Variants in HACD2 observed in about 807,000 individuals in gnomAD.
The protein encoded by HACD2 is 3-hydroxyacyl-CoA dehydratase 2, also known as very-long-chain (3R)-3-hydroxyacyl-CoA dehydratase 2.
In HACD2, 15 loss-of-function variants were observed where a neutral mutation model predicts 31.0. The observed-to-expected ratio is 0.48, with a 90% CI of 0.32 to 0.75. HACD2 has a LOEUF of 0.75. Among genes scored for constraint, HACD2 ranks in the 30% least tolerant of loss-of-function variants. The pLI is 0.03. For synonymous variants in HACD2, 115 were observed against 122.2 expected (o/e 0.94, Z 0.39); for missense variants, 283 against 313.0 (o/e 0.90, Z 0.72).
intron 3 of HACD2, among the ~76,000 whole-genome samples, chr3:123,541,728 T>A (rs1163233827): frequency 6.6e-6 from 1 of 152,206 alleles, no homozygotes. Context: ...CAAATTGGTA[T>A]GTACGTTTAA....
intron 3 of HACD2, among the ~76,000 whole-genome samples, chr3:123,539,838 A>G (rs2056467004): frequency 7.3e-6 from 1 of 137,750 alleles, no homozygotes; most frequent in African/African-American, 2.7e-5. Context: ...TGTAATCCCA[A>G]CTCTTCAGGA....
intron 3 of HACD2, among the ~76,000 whole-genome samples, chr3:123,558,114 A>C (rs185185671): frequency 2.1e-4 from 32 of 152,372 alleles, no homozygotes; most frequent in Admixed American, 5.2e-4. Flanking sequence ...TGGGCTATCA[A>C]GCCATGAAAA....
chr3:123,547,393 T>C (rs989171365), intron 3 of HACD2, among the ~76,000 whole-genome samples: 1 of 152,228 alleles, frequency 6.6e-6, no homozygotes, highest in Non-Finnish European at 1.5e-5. Context: ...CTGTGGGAAT[T>C]ACTTTGCTTT....
intron 3 of HACD2, among the ~76,000 whole-genome samples, chr3:123,563,648 C>T (rs200706852): frequency 1.5e-3 from 85 of 54,908 alleles, no homozygotes; most frequent in African/African-American, 0.01. Context: ...TATATATACA[C>T]ACACACACAC....
At chr3:123,562,466 T>C (rs558545056) in intron 3 of HACD2, among the ~76,000 whole-genome samples, 2 of 152,330 alleles carry the variant, frequency 1.3e-5, no homozygotes, top group East Asian at 3.9e-4. Context: ...ATGAAAGAGT[T>C]ACATTTATAT....
chr3:123,577,477 C>T (rs1451882701), intron 2 of HACD2, among the ~76,000 whole-genome samples: 3 of 151,824 alleles, frequency 2.0e-5, no homozygotes, highest in Non-Finnish European at 2.9e-5. Context: ...AAAAATTAGC[C>T]GGGTGTGGTG....
chr3:123,584,932 C>A lies in HACD2; in HGVS notation c.96G>T (p.Lys32Asn). 2 of 1,530,320 alleles carry A rather than the reference C, an allele frequency of 1.3e-6. No individual in the cohort carries two copies. Among genetic ancestry groups the A allele is most frequent in the East Asian group, 5.3e-5 (2 of 37,524 alleles). 94.8% of individuals were successfully genotyped at this position (1,530,320 alleles called of 1,614,324 possible). Reference protein sequence around the residue: ...AGDASGTRKKKGPGPLATAYL... With the variant: ...AGDASGTRKKNGPGPLATAYL... ...ACGCCGTGGCCAGGGGCCCCGGGCC[C>A]TTCTTCTTCCGCGTGCCGCTGGCGT... is the stretch of plus-strand genomic sequence containing the variant. The change falls in exon 1 of 7, where the codon AAG becomes AAT. Residue 32 changes from lysine to asparagine, a missense_variant. Physicochemically the swap from Lys to Asn is moderately conservative, Grantham distance 94. Transcript: ENST00000383657.
chr3:123,564,156 T>C (rs930008954), intron 3 of HACD2, among the ~76,000 whole-genome samples: 4 of 152,116 alleles, frequency 2.6e-5, no homozygotes, highest in Non-Finnish European at 4.4e-5. Flanking sequence ...AATAGTGAGG[T>C]AGAACGAGTC....
intron 4 of HACD2, among the ~76,000 whole-genome samples, chr3:123,506,277 C>G (rs914092389): frequency 1.3e-5 from 2 of 152,194 alleles, no homozygotes; most frequent in Non-Finnish European, 2.9e-5. Flanking sequence ...GGCAATTACT[C>G]CCTGCTTGAT....
intron 4 of HACD2, among the ~76,000 whole-genome samples, chr3:123,513,010 G>C (rs1205410340): frequency 6.6e-6 from 1 of 152,108 alleles, no homozygotes; most frequent in Non-Finnish European, 1.5e-5. Flanking sequence ...CTGATTCCAG[G>C]GCTGGGGCTG....
At chr3:123,521,906 C>G (rs2056219494) in intron 4 of HACD2, among the ~76,000 whole-genome samples, 2 of 152,018 alleles carry the variant, frequency 1.3e-5, no homozygotes, top group South Asian at 4.2e-4. Flanking sequence ...AAATCATCAT[C>G]AGGGGATATT....
chr3:123,522,050 A>G (rs1365237405), intron 4 of HACD2, among the ~76,000 whole-genome samples: 3 of 152,308 alleles, frequency 2.0e-5, no homozygotes, highest in African/African-American at 7.2e-5. Context: ...TCATGCCTGT[A>G]ATTCCAGCAC....
intron 4 of HACD2, among the ~76,000 whole-genome samples, chr3:123,515,772 T>C (rs1270528373): frequency 1.3e-5 from 2 of 152,170 alleles, no homozygotes; most frequent in Non-Finnish European, 2.9e-5. Context: ...TTGTTTTTTT[T>C]TGAGACGGAG....
In HACD2 at chr3:123,572,861, C is replaced by T. The variant is rs115587666; in HGVS notation, c.274-5081G>A. ...ATGTGATTCATCTACAGTGATTCCC[C>T]ATCTCTGTCTTTCAATTCAAAATTC... On this transcript the variant is annotated intron_variant, in intron 2 of 6. Transcript: ENST00000383657. Among the ~76,000 whole-genome samples, 472 of 152,242 alleles carry T rather than the reference C, an allele frequency of 3.1e-3. 4 individuals are homozygous for T. The highest frequency in any genetic ancestry group is 0.011 in the African/African-American group (457 of 41,534).
chr3:123,492,117 G>A lies in HACD2; in HGVS notation c.*2771C>T, dbSNP rs1204897768. On this transcript the variant is annotated 3_prime_UTR_variant, in exon 7 of 7. Coordinates refer to ENST00000383657, the MANE Select transcript of HACD2 (RefSeq NM_198402.5). Reference sequence around the variant, plus strand: ...TGACTAACTCTCCATGGTGCCTCTGGATAATGGTTGGTATGTGTTAAATGA... The same window carrying A: ...TGACTAACTCTCCATGGTGCCTCTGAATAATGGTTGGTATGTGTTAAATGA... The A allele has an allele frequency of 6.6e-6, 1 of 152,186 alleles. No individual in the cohort carries two copies. Among genetic ancestry groups the A allele is most frequent in the Non-Finnish European group, 1.5e-5 (1 of 68,036 alleles). 9.4% of individuals were successfully genotyped at this position (152,186 alleles called of 1,614,324 possible).
At chr3:123,571,907 C>T (rs1324903131) in intron 2 of HACD2, among the ~76,000 whole-genome samples, 3 of 152,104 alleles carry the variant, frequency 2.0e-5, no homozygotes, top group Admixed American at 6.5e-5. Context: ...TTAATATGTA[C>T]TACAAAATGG....
intron 4 of HACD2, among the ~76,000 whole-genome samples, chr3:123,514,902 T>C (rs931801457): frequency 6.6e-6 from 1 of 152,230 alleles, no homozygotes; most frequent in African/African-American, 2.4e-5. Context: ...TATTTTAGTA[T>C]GTATAAAGAA....
chr3:123,585,035 G>C lies in HACD2; in HGVS notation c.-8C>G. 1 of 1,472,556 alleles carries C rather than the reference G, an allele frequency of 6.8e-7. No individual in the cohort carries two copies. Among genetic ancestry groups the C allele is most frequent in the Non-Finnish European group, 9.0e-7 (1 of 1,113,722 alleles). 91.2% of individuals were successfully genotyped at this position (1,472,556 alleles called of 1,614,324 possible). On this transcript the variant is annotated 5_prime_UTR_variant, in exon 1 of 7. Transcript: ENST00000383657. ...CGCCGCCACTGCCGCCATGTCAAGT[G>C]CCCGAAGCCCGCTCTCCTAGCGCGA...
At chr3:123,562,460 AAG>A (rs2056743964) in intron 3 of HACD2, among the ~76,000 whole-genome samples, 1 of 152,358 alleles carries the variant, frequency 6.6e-6, no homozygotes, top group Admixed American at 6.5e-5. Flanking sequence ...AAGAATATGA[AAG>A]AGTTACATTT....
Sources: gnomAD v4.1 joint callset for allele counts (sites outside exome capture counted in the v4.1 genomes callset) on GRCh38, gnomAD v4.1.1 for gene constraint, MANE v1.5 for transcripts, NCBI Gene and HGNC (gene_info 2026-07-23, HGNC 2026-07-21) for gene names.